Variants in CTNNA2 observed in about 807,000 individuals in gnomAD.
CTNNA2 encodes the protein catenin alpha 2.
In CTNNA2, 42 loss-of-function variants were observed where a neutral mutation model predicts 101.0. That is an observed-to-expected ratio of 0.42 (90% CI 0.32 to 0.54). CTNNA2 has a LOEUF of 0.54. CTNNA2 is among the 20% of genes least tolerant of loss of function. The pLI is 0.14. For synonymous variants in CTNNA2, 450 were observed against 456.4 expected, an observed-to-expected ratio of 0.99 and a Z score of 0.18; for missense variants, 871 against 1,223.1, an observed-to-expected ratio of 0.71 and a Z score of 4.29.
At chr2:80,035,813 A>T (rs1695609644) in intron 7 of CTNNA2, among the ~76,000 whole-genome samples, 1 of 152,248 alleles carries the variant, frequency 6.6e-6, no homozygotes, top group South Asian at 2.1e-4. Flanking sequence ...ACCTAGGAAG[A>T]CACCAAAACA....
chr2:79,378,545 A>T (rs888922959), intron 4 of CTNNA2, among the ~76,000 whole-genome samples: 1 of 152,156 alleles, frequency 6.6e-6, no homozygotes, highest in Non-Finnish European at 1.5e-5. Flanking sequence ...AACATGGAAA[A>T]TACCAAATTA....
At chr2:80,517,522 T>C (rs1689195561) in intron 9 of CTNNA2, among the ~76,000 whole-genome samples, 1 of 152,186 alleles carries the variant, frequency 6.6e-6, no homozygotes, top group Non-Finnish European at 1.5e-5. Flanking sequence ...TCTGTAGGAG[T>C]TACTCCTTTG....
At chr2:79,587,287 T>A (rs527534893) in intron 1 of CTNNA2, among the ~76,000 whole-genome samples, 4 of 152,240 alleles carry the variant, frequency 2.6e-5, no homozygotes, top group South Asian at 2.1e-4. Flanking sequence ...ATTAATTTAA[T>A]AGGAAAGCCT....
chr2:79,681,693 C>T (rs939297015), intron 2 of CTNNA2, among the ~76,000 whole-genome samples: 5 of 152,198 alleles, frequency 3.3e-5, no homozygotes, highest in African/African-American at 7.2e-5. Flanking sequence ...GACATAATTG[C>T]ATGGTTCTGT....
At chr2:80,018,509 G>A (rs1694309791) in intron 7 of CTNNA2, among the ~76,000 whole-genome samples, 1 of 152,162 alleles carries the variant, frequency 6.6e-6, no homozygotes, top group South Asian at 2.1e-4. Flanking sequence ...GGGCACCGTG[G>A]CTCATGCCTA....
At chr2:79,468,925 C>G (rs1282565855) in intron 4 of CTNNA2, among the ~76,000 whole-genome samples, 1 of 152,110 alleles carries the variant, frequency 6.6e-6, no homozygotes, top group African/African-American at 2.4e-5. Context: ...CAAGAGAAAG[C>G]AGGAAAGATC....
chr2:79,815,480 G>A (rs1677415581), intron 3 of CTNNA2, among the ~76,000 whole-genome samples: 1 of 151,888 alleles, frequency 6.6e-6, no homozygotes, highest in Admixed American at 6.6e-5. Context: ...GTTTCATGTG[G>A]CTAGCCAATT....
In CTNNA2 at chr2:80,524,799, C is replaced by A. The variant is rs140173488; in HGVS notation, c.1291-20183C>A. ...ATGCTCTCTCACACACAAAAAAATGCTCTCCACCCACTTGGTGGTCCCACT... is the reference window on the plus strand; with the variant it reads ...ATGCTCTCTCACACACAAAAAAATGATCTCCACCCACTTGGTGGTCCCACT... On this transcript the variant is annotated intron_variant, in intron 9 of 18. Transcript: ENST00000402739. Among the ~76,000 whole-genome samples the A allele has an allele frequency of 3.0e-3, 455 of 152,264 alleles. 2 individuals are homozygous for A. The highest frequency in any genetic ancestry group is 0.01 in the African/African-American group (433 of 41,560).
In CTNNA2 at chr2:80,244,521, G is replaced by A. The variant is rs533446764; in HGVS notation, c.1057-148690G>A. On this transcript the variant is annotated intron_variant, in intron 7 of 18. Transcript: ENST00000402739. ...AATTCATAACTACTGGCCTGGGCACGTGAAGTAACTTAGACTCAGATGGTC... is the reference window on the plus strand; with the variant it reads ...AATTCATAACTACTGGCCTGGGCACATGAAGTAACTTAGACTCAGATGGTC... Among the ~76,000 whole-genome samples the A allele has an allele frequency of 1.7e-4, 26 of 152,288 alleles. No homozygotes were observed. In the South Asian group the frequency reaches 4.3e-3, roughly 25 times the overall value.
intron 7 of CTNNA2, among the ~76,000 whole-genome samples, chr2:80,054,926 G>A (rs960266534): frequency 5.9e-5 from 9 of 152,030 alleles, no homozygotes; most frequent in Non-Finnish European, 4.4e-5. Context: ...GAGAGTGGAG[G>A]GGGTGAGTGG....
chr2:79,200,521 C>A (rs1342172268), intron 2 of CTNNA2, among the ~76,000 whole-genome samples: 1 of 152,148 alleles, frequency 6.6e-6, no homozygotes, highest in African/African-American at 2.4e-5. Flanking sequence ...AAAACGGAGT[C>A]TGGCACCTTC....
At chr2:80,418,791 C>T (rs1680256964) in intron 8 of CTNNA2, among the ~76,000 whole-genome samples, 1 of 151,974 alleles carries the variant, frequency 6.6e-6, no homozygotes, top group South Asian at 2.1e-4. Context: ...AAGCAGCTGC[C>T]CTGTTTTCTA....
At chr2:79,516,925 A>C (rs1182532101) in intron 1 of CTNNA2, among the ~76,000 whole-genome samples, 1 of 152,150 alleles carries the variant, frequency 6.6e-6, no homozygotes, top group Non-Finnish European at 1.5e-5. Flanking sequence ...TGAAGCCAGT[A>C]CTTGTTAGGG....
intron 3 of CTNNA2, among the ~76,000 whole-genome samples, chr2:79,824,263 A>G (rs947194251): frequency 1.3e-5 from 2 of 152,260 alleles, no homozygotes; most frequent in African/African-American, 2.4e-5. Context: ...CAGAGGCTAA[A>G]CACCATCTTC....
intron 18 of CTNNA2, among the ~76,000 whole-genome samples, chr2:80,623,245 T>C (rs1001397118): frequency 1.3e-5 from 2 of 151,846 alleles, no homozygotes; most frequent in Non-Finnish European, 2.9e-5. Flanking sequence ...GTTCTACGTA[T>C]GATGCATTCA....
intron 1 of CTNNA2, among the ~76,000 whole-genome samples, chr2:79,521,046 C>A (rs1339780171): frequency 3.5e-5 from 5 of 143,108 alleles, no homozygotes; most frequent in Admixed American, 1.4e-4. Flanking sequence ...TAAAAACAAC[C>A]AAAATACCTG....
At chr2:79,911,230 A>T (rs1185736352) in intron 7 of CTNNA2, among the ~76,000 whole-genome samples, 1 of 152,210 alleles carries the variant, frequency 6.6e-6, no homozygotes, top group African/African-American at 2.4e-5. Flanking sequence ...GAAATCTGAG[A>T]CGCTGTTTGT....
intron 7 of CTNNA2, among the ~76,000 whole-genome samples, chr2:79,915,086 A>ATGAG (rs1355244350): frequency 1.3e-5 from 2 of 152,094 alleles, no homozygotes; most frequent in Admixed American, 6.6e-5. Flanking sequence ...ACAACACTAG[A>ATGAG]TGAGTAATAC....
At chr2:79,950,011 A>G (rs1218215954) in intron 7 of CTNNA2, among the ~76,000 whole-genome samples, 1 of 152,186 alleles carries the variant, frequency 6.6e-6, no homozygotes, top group Non-Finnish European at 1.5e-5. Flanking sequence ...TGTGACTGAA[A>G]ATGTACATGG....
Sources: allele counts gnomAD v4.1 joint callset (sites outside exome capture counted in the v4.1 genomes callset), GRCh38; gene constraint gnomAD v4.1.1; transcripts MANE v1.5; gene names NCBI Gene and HGNC (gene_info 2026-07-23, HGNC 2026-07-21).